CAMTA1: variants seen among roughly 807,000 people sequenced by gnomAD.
The protein encoded by CAMTA1 is calmodulin-binding transcription activator 1.
A neutral mutation model predicts 170.9 loss-of-function variants in CAMTA1; 27 were observed. The ratio of observed to expected loss-of-function variants is 0.16; its 90% CI spans 0.12 to 0.22. CAMTA1 has a LOEUF of 0.22. Ranked by LOEUF, CAMTA1 falls within the 10% of genes least tolerant of loss-of-function variation. The pLI is 1.00. For missense variants in CAMTA1, 1,619 were observed against 2,217.2 expected (o/e 0.73, Z 5.42); for synonymous variants, 833 against 891.5 (o/e 0.93, Z 1.17).
At chr1:7,698,659 G>C (rs368997524) in intron 11 of CAMTA1, 4 of 152,422 alleles carry the variant, frequency 2.6e-5, no homozygotes, top group East Asian at 1.9e-4. Context: ...CCCTGAGTCA[G>C]CCAACCATTG....
chr1:7,157,356 A>AAAAC (rs1646952890), intron 4 of CAMTA1, among the ~76,000 whole-genome samples: 1 of 141,326 alleles, frequency 7.1e-6, no homozygotes, highest in Non-Finnish European at 1.5e-5. Context: ...AAAAAAAAAA[A>AAAAC]AAAAAAGCAG....
At chr1:6,843,909 CA>C (rs1212780836) in intron 3 of CAMTA1, among the ~76,000 whole-genome samples, 1 of 152,174 alleles carries the variant, frequency 6.6e-6, no homozygotes, top group Admixed American at 6.5e-5. Context: ...AGAAACAGAG[CA>C]GGGGGAGCTT....
At chr1:7,271,260 A>G (rs928714646) in intron 5 of CAMTA1, among the ~76,000 whole-genome samples, 1 of 152,190 alleles carries the variant, frequency 6.6e-6, no homozygotes, top group Non-Finnish European at 1.5e-5. Context: ...GTGAGGATGT[A>G]ACAAGAAGCT....
At chr1:7,355,558 G>C (rs1173460106) in intron 5 of CAMTA1, among the ~76,000 whole-genome samples, 1 of 152,170 alleles carries the variant, frequency 6.6e-6, no homozygotes, top group African/African-American at 2.4e-5. Flanking sequence ...AAGTCCATCT[G>C]CTTCTTCCTA....
intron 4 of CAMTA1, among the ~76,000 whole-genome samples, chr1:7,103,575 TAC>T (rs1643075792): frequency 8.2e-6 from 1 of 121,694 alleles, no homozygotes; most frequent in African/African-American, 3.1e-5. Context: ...ACAACACAAC[TAC>T]ACACATGTAC....
rs1027948804 is a variant in CAMTA1 at position 7,175,596 on chromosome 1, C to T, written c.303-73895C>T. 6.8e-4 allele frequency among the ~76,000 whole-genome samples: 103 copies of T among 152,372 alleles called. 1 individual carries two copies. The highest frequency in any genetic ancestry group is 2.4e-3 in the African/African-American group (100 of 41,598). Reference sequence around the variant, plus strand: ...CAGGAATTGCGTGGGGGGCTGCAGGCTGGGGAGGAGCAGGCAACTGCACTG... The same window carrying T: ...CAGGAATTGCGTGGGGGGCTGCAGGTTGGGGAGGAGCAGGCAACTGCACTG... On this transcript the variant is annotated intron_variant, in intron 4 of 22. Coordinates refer to ENST00000303635, the MANE Select transcript of CAMTA1 (RefSeq NM_015215.4).
At chr1:6,966,002 T>G (rs922875981) in intron 3 of CAMTA1, among the ~76,000 whole-genome samples, 5 of 151,772 alleles carry the variant, frequency 3.3e-5, no homozygotes, top group Non-Finnish European at 7.4e-5. Flanking sequence ...TTTGGGAGTG[T>G]GTGGGGGATC....
chr1:7,319,347 G>A (rs1252413378), intron 5 of CAMTA1, among the ~76,000 whole-genome samples: 5 of 152,120 alleles, frequency 3.3e-5, no homozygotes, highest in Non-Finnish European at 5.9e-5. Flanking sequence ...CCCCCTTGGT[G>A]CTATTTTCGT....
intron 4 of CAMTA1, among the ~76,000 whole-genome samples, chr1:7,211,530 C>A (rs1658751275): frequency 6.6e-6 from 1 of 152,224 alleles, no homozygotes; most frequent in African/African-American, 2.4e-5. Context: ...AGGATGATTT[C>A]ACTCATTATT....
At chr1:7,335,382 T>C (rs556529174) in intron 5 of CAMTA1, among the ~76,000 whole-genome samples, 47 of 152,278 alleles carry the variant, frequency 3.1e-4, no homozygotes, top group Non-Finnish European at 5.6e-4. Context: ...AACAAACATA[T>C]AGGTCAAATG....
chr1:7,369,601 G>A lies in CAMTA1; in HGVS notation c.439-98229G>A, dbSNP rs971149748. Among the ~76,000 whole-genome samples, 3 of 151,984 alleles carry A rather than the reference G, an allele frequency of 2.0e-5. No individual in the cohort carries two copies. In the East Asian group the frequency reaches 5.8e-4, roughly 29 times the overall value. On this transcript the variant is annotated intron_variant, in intron 5 of 22. Coordinates refer to ENST00000303635, the MANE Select transcript of CAMTA1 (RefSeq NM_015215.4). The stretch of plus-strand genomic sequence containing the variant: ...CAGCCATCCTCTATGGGTAAGTTGT[G>A]GGACCACTAGCGTCTCCCCACAGCC...
chr1:7,353,182 C>T lies in CAMTA1; in HGVS notation c.438+103556C>T, dbSNP rs529837414. Among the ~76,000 whole-genome samples the T allele has an allele frequency of 2.0e-4, 31 of 152,312 alleles. 1 individual carries two copies. In the South Asian group the frequency reaches 6.4e-3, roughly 32 times the overall value. On this transcript the variant is annotated intron_variant, in intron 5 of 22. Coordinates refer to ENST00000303635, the MANE Select transcript of CAMTA1 (RefSeq NM_015215.4). The stretch of plus-strand genomic sequence containing the variant: ...CTGTAACACAGAGATCATAATTGCA[C>T]AATAAAATTACATGAGGGCAGGGTT...
chr1:7,458,992 T>C (rs1179064725), intron 5 of CAMTA1, among the ~76,000 whole-genome samples: 1 of 152,230 alleles, frequency 6.6e-6, no homozygotes, highest in Admixed American at 6.5e-5. Flanking sequence ...GGTCTAATCT[T>C]AGATTAATAC....
At chr1:7,539,215 C>T (rs1381220057) in intron 6 of CAMTA1, among the ~76,000 whole-genome samples, 1 of 152,210 alleles carries the variant, frequency 6.6e-6, no homozygotes, top group East Asian at 1.9e-4. Context: ...GCCCTAAATC[C>T]CCACATGGCT....
intron 6 of CAMTA1, among the ~76,000 whole-genome samples, chr1:7,617,731 A>G (rs2095569377): frequency 7.6e-6 from 1 of 130,728 alleles, no homozygotes. Flanking sequence ...GGTCTAAGGT[A>G]CTATTTCCAG....
chr1:7,573,134 G>T (rs1280461200), intron 6 of CAMTA1, among the ~76,000 whole-genome samples: 4 of 152,226 alleles, frequency 2.6e-5, no homozygotes. Context: ...TGGCATGCAG[G>T]AACAGGGTTA....
chr1:7,452,956 A>G (rs1001421113), intron 5 of CAMTA1, among the ~76,000 whole-genome samples: 3 of 152,200 alleles, frequency 2.0e-5, no homozygotes, highest in African/African-American at 4.8e-5. Flanking sequence ...ATGAAGTTCA[A>G]ACGAGGTTCT....
chr1:7,433,572 G>A (rs1279024923), intron 5 of CAMTA1, among the ~76,000 whole-genome samples: 1 of 152,226 alleles, frequency 6.6e-6, no homozygotes, highest in African/African-American at 2.4e-5. Context: ...GAGAAAAAAG[G>A]ACGAGCCAAT....
intron 3 of CAMTA1, among the ~76,000 whole-genome samples, chr1:6,975,986 T>A (rs1693354729): frequency 6.6e-6 from 1 of 152,162 alleles, no homozygotes; most frequent in Non-Finnish European, 1.5e-5. Flanking sequence ...AGTACTCCCT[T>A]CCTTTCCGCT....
Sources: gnomAD v4.1 joint callset for allele counts (sites outside exome capture counted in the v4.1 genomes callset) on GRCh38, gnomAD v4.1.1 for gene constraint, MANE v1.5 for transcripts, NCBI Gene and HGNC (gene_info 2026-07-23, HGNC 2026-07-21) for gene names.